Variants in ZNF266 observed in about 807,000 individuals in gnomAD.
ZNF266 encodes the protein zinc finger protein 266.
In ZNF266, 16 loss-of-function variants were observed where a neutral mutation model predicts 16.4. The ratio of observed to expected loss-of-function variants is 0.98; its 90% confidence interval spans 0.66 to 1.48. The LOEUF (loss-of-function observed/expected upper bound fraction) is 1.48. Among genes scored for constraint, ZNF266 ranks in the 40% most tolerant of loss-of-function variants. ZNF266 has a pLI of 0.00. For missense variants in ZNF266, 738 were observed against 689.1 expected (o/e 1.07, Z -0.79); for synonymous variants, 262 against 237.9 (o/e 1.10, Z -0.93).
At chr19:9,431,151 A>G (rs1218632043) in intron 5 of ZNF266, among the ~76,000 whole-genome samples, 10 of 152,174 alleles carry the variant, frequency 6.6e-5, no homozygotes, top group Admixed American at 6.5e-4. Flanking sequence ...TGGGATGGAC[A>G]CTGCAAAAGG....
chr19:9,434,893 T>C (rs909123665), intron 2 of ZNF266, 34 bp from the exon 3 acceptor site: 1 of 152,190 alleles, frequency 6.6e-6, no homozygotes, highest in Admixed American at 6.5e-5. Flanking sequence ...TAGCTGAGTA[T>C]TCTTGCTTTT....
intron 5 of ZNF266, among the ~76,000 whole-genome samples, chr19:9,426,490 C>CAA (rs151086461): frequency 8.3e-4 from 120 of 145,326 alleles, no homozygotes; most frequent in Middle Eastern, 3.5e-3. Flanking sequence ...AAGTCTAAGA[C>CAA]CAAAAAAAAA....
At chr19:9,433,477 T>G (rs577506007) in intron 5 of ZNF266, among the ~76,000 whole-genome samples, 191 bp downstream of exon 5, 37 of 152,356 alleles carry the variant, frequency 2.4e-4, no homozygotes, top group African/African-American at 7.9e-4. Context: ...AAGTTTTGTC[T>G]GTTTATGAAT....
intron 10 of ZNF266, among the ~76,000 whole-genome samples, chr19:9,414,933 A>T (rs2068755482): frequency 6.6e-6 from 1 of 152,234 alleles, no homozygotes. Context: ...ATGTCTGTAG[A>T]GTTTTATGAA....
chr19:9,420,011 T>TG (rs34382524), intron 6 of ZNF266, 54 bp downstream of exon 6: 13 of 152,156 alleles, frequency 8.5e-5, no homozygotes, highest in Admixed American at 1.3e-4. Flanking sequence ...CCATACTGTG[T>TG]GGGGGGGGAC....
chr19:9,423,410 T>C (rs1319314788), intron 5 of ZNF266, among the ~76,000 whole-genome samples: 5 of 152,284 alleles, frequency 3.3e-5, no homozygotes, highest in African/African-American at 1.2e-4. Context: ...GCTTTATCAG[T>C]AGTCATGGCC....
chr19:9,415,280 C>T (rs1248506522), intron 10 of ZNF266, among the ~76,000 whole-genome samples: 1 of 152,202 alleles, frequency 6.6e-6, no homozygotes, highest in East Asian at 1.9e-4. Flanking sequence ...GGGTGACAGA[C>T]CAAGACTCTG....
In ZNF266 at chr19:9,414,341, T is replaced by C. The variant is rs147170287; in HGVS notation, c.785A>G (p.His262Arg). Reference sequence around the variant, plus strand: ...TATACGCACAGCAAGGTCTGTGGAGTGAATAAAGCCTCTCCCACATTCCTT... The same window carrying C: ...TATACGCACAGCAAGGTCTGTGGAGCGAATAAAGCCTCTCCCACATTCCTT... ...EWKECGRGFI[H>R]STDLAVRIQT... Residue 262 changes from histidine (H) to arginine (R), a missense_variant, in exon 11 of 11, where the codon CAC becomes CGC. By Grantham distance (29) the His-to-Arg change is conservative. Transcript: ENST00000592904. 118 of 1,613,630 alleles carry C rather than the reference T, an allele frequency of 7.3e-5. 1 individual carries two copies. The African/African-American group carries it at 1.5e-3, about 20-fold the overall frequency.
At chr19:9,426,948 CAAATTA>C (rs1396411302) in intron 5 of ZNF266, among the ~76,000 whole-genome samples, 1 of 152,076 alleles carries the variant, frequency 6.6e-6, no homozygotes, top group Non-Finnish European at 1.5e-5. Context: ...TAATAAATAA[CAAATTA>C]AAATTAAAGT....
rs139868204 is a variant in ZNF266 at position 9,413,558 on chromosome 19, C to T, written c.1568G>A (p.Arg523Gln). 1.4e-5 allele frequency: 22 copies of T among 1,613,988 alleles called. No homozygotes were observed. The highest frequency in any genetic ancestry group is 6.6e-5 in the South Asian group (6 of 91,074). ...THSSSLNNHMRTHSAKKPFTC... is the reference protein window; with the variant it reads ...THSSSLNNHMQTHSAKKPFTC... Reference sequence around the variant, plus strand: ...GAATGGTTTTTTGGCGCTGTGGGTCCGCATGTGATTATTAAGACTGGAGGA... The same window carrying T: ...GAATGGTTTTTTGGCGCTGTGGGTCTGCATGTGATTATTAAGACTGGAGGA... Residue 523 changes from arginine to glutamine, a missense_variant, in exon 11 of 11, where the codon CGG becomes CAG. Arg to Gln is a conservative substitution (Grantham distance 43, BLOSUM62 1). Transcript: ENST00000592904.
At chr19:9,421,141 GA>G (rs2069815158) in intron 5 of ZNF266, among the ~76,000 whole-genome samples, 2 of 152,260 alleles carry the variant, frequency 1.3e-5, no homozygotes, top group East Asian at 3.9e-4. Flanking sequence ...AATGGAATCT[GA>G]ACGATGAAAA....
At position 9,418,550 on chromosome 19, in the gene ZNF266, A is replaced by T; in HGVS notation, c.190T>A (p.Tyr64Asn). The T allele has an allele frequency of 6.2e-7, 1 of 1,614,192 alleles. No individual in the cohort carries two copies. Among genetic ancestry groups the T allele is most frequent in the Non-Finnish European group, 8.5e-7 (1 of 1,180,018 alleles). The part of the protein sequence containing the change: ...TLLDPTQRNL[Y>N]RDVMLENYKN... ...TAGTTCTCCAGCATCACATCTCTGT[A>T]GAGGTTTCTCTGAGTTGGGTCCAGT... Residue 64 changes from tyrosine (Y) to asparagine (N), a missense_variant, in exon 8 of 11, where the codon TAC becomes AAC. Transcript: ENST00000592904.
Position 9,422,623 on chromosome 19 carries a change from T to A in ZNF266, c.-129-2405A>T, listed in dbSNP as rs569635446. On this transcript the variant is annotated intron_variant, in intron 5 of 10. Coordinates refer to ENST00000592904, the MANE Select transcript of ZNF266 (RefSeq NM_001370374.1). ...CAACTTCCTCTGCTCATGAGCACAA[T>A]AGCCAGGGTTGCCTGCATTCCAGAG... is the stretch of plus-strand genomic sequence containing the variant. Among the ~76,000 whole-genome samples the A allele has an allele frequency of 3.3e-5, 5 of 152,270 alleles. No individual in the cohort carries two copies. In the South Asian group the frequency reaches 1.0e-3, roughly 32 times the overall value.
intron 5 of ZNF266, among the ~76,000 whole-genome samples, chr19:9,432,209 T>C (rs1003558620): frequency 2.0e-5 from 3 of 152,268 alleles, no homozygotes; most frequent in Admixed American, 6.5e-5. Context: ...TCCACCCACC[T>C]TGGCCTCCCA....
Position 9,414,324 on chromosome 19 carries a change from C to G in ZNF266, c.802G>C (p.Val268Leu). 3 of 1,613,958 alleles carry G rather than the reference C, an allele frequency of 1.9e-6. No homozygotes were observed. The highest frequency in any genetic ancestry group is 2.5e-6 in the Non-Finnish European group (3 of 1,179,940). ...RGFIHSTDLA[V>L]RIQTHRSEKP... Reference sequence around the variant, plus strand: ...TCTGACCTGTGAGTTTGTATACGCACAGCAAGGTCTGTGGAGTGAATAAAG... The same window carrying G: ...TCTGACCTGTGAGTTTGTATACGCAGAGCAAGGTCTGTGGAGTGAATAAAG... Residue 268 changes from valine to leucine, a missense_variant, in exon 11 of 11, where the codon GTG (valine) becomes CTG (leucine). Physicochemically the swap from Val to Leu is conservative, Grantham distance 32. Transcript: ENST00000592904.
chr19:9,432,487 T>C (rs1310424093), intron 5 of ZNF266, among the ~76,000 whole-genome samples: 1 of 152,128 alleles, frequency 6.6e-6, no homozygotes, highest in African/African-American at 2.4e-5. Context: ...AGAAAATGTA[T>C]AGAATTTAAG....
In ZNF266 at chr19:9,413,231, G is replaced by A. The variant is rs540463855; in HGVS notation, c.*44C>T. The A allele has an allele frequency of 3.9e-6, 6 of 1,524,432 alleles. No individual in the cohort carries two copies. In the South Asian group the frequency reaches 8.0e-5, roughly 20 times the overall value. 94.4% of individuals were successfully genotyped at this position (1,524,432 alleles called of 1,614,324 possible). On this transcript the variant is annotated 3_prime_UTR_variant, in exon 11 of 11. Transcript: ENST00000592904. ...GGGTTTCTCCCCAGTGAGTTTTCAT[G>A]TCTTCAGAGAGAACAGGGACACCTT...
intron 5 of ZNF266, among the ~76,000 whole-genome samples, chr19:9,430,218 C>T (rs2071386505): frequency 6.6e-6 from 1 of 152,166 alleles, no homozygotes; most frequent in African/African-American, 2.4e-5. Context: ...ATGTAAAAGA[C>T]TGATCAACTG....
chr19:9,413,435 C>A lies in ZNF266; in HGVS notation c.1691G>T (p.Cys564Phe), dbSNP rs1408158044. 1.2e-6 allele frequency: 2 copies of A among 1,613,994 alleles called. No homozygotes were observed. The highest frequency in any genetic ancestry group is 1.3e-5 in the African/African-American group (1 of 74,916). ...TGEKPYKCKQ[C>F]GKSFSYSNSF... is the part of the protein sequence containing the mutation. ...ATTGGAGTAACTGAAGGATTTCCCA[C>A]ACTGTTTACATTTGTAGGGTTTTTC... Residue 564 changes from cysteine (C) to phenylalanine (F), a missense_variant, in exon 11 of 11, where the codon TGT (cysteine) becomes TTT (phenylalanine). By Grantham distance (205) the Cys-to-Phe change is radical. Transcript: ENST00000592904.
Sources: allele counts gnomAD v4.1 joint callset (sites outside exome capture counted in the v4.1 genomes callset), GRCh38; gene constraint gnomAD v4.1.1; transcripts MANE v1.5; gene names NCBI Gene and HGNC (gene_info 2026-07-23, HGNC 2026-07-21).